The following ARHGAP22 variants were observed in gnomAD, a reference collection of about 807,000 sequenced individuals.
ARHGAP22 encodes the protein Rho GTPase activating protein 22, also known as rho GTPase-activating protein 22.
A neutral mutation model predicts 59.1 loss-of-function variants in ARHGAP22; 48 were observed. The observed-to-expected ratio is 0.81, with a 90% CI of 0.64 to 1.03. The LOEUF (loss-of-function observed/expected upper bound fraction) is 1.03, where lower values mean the gene tolerates loss of function less well. Ranked by LOEUF, ARHGAP22 falls within the 50% of genes least tolerant of loss-of-function variation. The probability of loss-of-function intolerance (pLI) is 0.00; values close to 1 mark genes in which losing one functional copy is unlikely to be tolerated. For missense variants in ARHGAP22, 1,015 were observed against 958.7 expected, an observed-to-expected ratio of 1.06 and a Z score of -0.78; for synonymous variants, 445 against 416.4, an observed-to-expected ratio of 1.07 and a Z score of -0.84.
chr10:48,557,985 C>T (rs182627631), intron 2 of ARHGAP22, among the ~76,000 whole-genome samples: 2 of 152,304 alleles, frequency 1.3e-5, no homozygotes, highest in Admixed American at 1.3e-4. Context: ...TTGAACGTGC[C>T]TTGGAGTCAC....
chr10:48,526,889 T>C (rs1278374721), intron 3 of ARHGAP22, among the ~76,000 whole-genome samples: 1 of 152,264 alleles, frequency 6.6e-6, no homozygotes, highest in Non-Finnish European at 1.5e-5. Context: ...AGGGGCTTCT[T>C]GTTTTATTGC....
chr10:48,519,177 C>G (rs11819511), intron 3 of ARHGAP22, among the ~76,000 whole-genome samples: 50,846 of 152,114 alleles, frequency 0.33, 10,123 homozygotes, highest in Middle Eastern at 0.54. Flanking sequence ...TGCAGCAGAA[C>G]AGCAGAACCG....
At chr10:48,486,086 GCTTA>G (rs2049832118) in intron 3 of ARHGAP22, among the ~76,000 whole-genome samples, 1 of 151,584 alleles carries the variant, frequency 6.6e-6, no homozygotes, top group African/African-American at 2.4e-5. Flanking sequence ...TGCTTTGTTG[GCTTA>G]TTAGTAAAAA....
At chr10:48,612,201 A>T (rs2060922724) in intron 1 of ARHGAP22, among the ~76,000 whole-genome samples, 1 of 151,866 alleles carries the variant, frequency 6.6e-6, no homozygotes, top group Non-Finnish European at 1.5e-5. Context: ...TTCCAAGTTG[A>T]CAAACTCCCT....
the ARHGAP22 span, chr10:48,438,697 TATAA>T: frequency 1.3e-5 from 2 of 152,344 alleles, no homozygotes; most frequent in East Asian, 3.9e-4. Context: ...CTGAGTGAAT[TATAA>T]ATGTGTGTTA....
chr10:48,607,496 G>C (rs2060720952), upstream of ARHGAP22, among the ~76,000 whole-genome samples: 1 of 152,218 alleles, frequency 6.6e-6, no homozygotes, highest in Non-Finnish European at 1.5e-5. Context: ...CCTTCATCCT[G>C]AAGTTTACCA....
intron 6 of ARHGAP22, 68 bp downstream of exon 6, chr10:48,454,934 T>C: frequency 6.8e-7 from 1 of 1,479,756 alleles, no homozygotes; most frequent in Non-Finnish European, 9.0e-7. Flanking sequence ...TCAGAGTCTG[T>C]GTCCTGAGTC....
upstream of ARHGAP22, chr10:48,605,155 G>A (rs1459382215): frequency 1.2e-5 from 14 of 1,159,252 alleles, no homozygotes; most frequent in African/African-American, 6.5e-5. Context: ...GGGCGGGGCC[G>A]AGAGGGGCGG....
intron 3 of ARHGAP22, among the ~76,000 whole-genome samples, chr10:48,534,574 G>A (rs571667621): frequency 1.3e-5 from 2 of 152,330 alleles, no homozygotes; most frequent in South Asian, 2.1e-4. Flanking sequence ...TCGGTTACCT[G>A]AGCAGGAATC....
In ARHGAP22 at chr10:48,448,803, C is replaced by T. The variant is rs147494738; in HGVS notation, c.1868+1458G>A. Among the ~76,000 whole-genome samples, 441 of 152,338 alleles carry T rather than the reference C, an allele frequency of 2.9e-3. 3 individuals carry two copies. The highest frequency in any genetic ancestry group is 0.01 in the African/African-American group (429 of 41,590). ...CTCCACAAGGGCTACCACTGCTATC[C>T]CTTTTCCTCTGGGAACCTCATCTTA... On this transcript the variant is annotated intron_variant, in intron 9 of 9. Transcript: ENST00000249601.
At chr10:48,491,062 C>A (rs1258050199) in intron 3 of ARHGAP22, among the ~76,000 whole-genome samples, 1 of 152,172 alleles carries the variant, frequency 6.6e-6, no homozygotes, top group Non-Finnish European at 1.5e-5. Context: ...TTCCTTTATC[C>A]CGACAATCTA....
intron 1 of ARHGAP22, among the ~76,000 whole-genome samples, chr10:48,585,387 T>A (rs1314972371): frequency 6.6e-6 from 1 of 152,152 alleles, no homozygotes; most frequent in African/African-American, 2.4e-5. Flanking sequence ...CTGATCCCAC[T>A]TTCTCTCTTA....
chr10:48,450,583 A>G lies in ARHGAP22; in HGVS notation c.1546T>C (p.Ser516Pro). The change falls in exon 9 of 10, where the codon TCG (serine) becomes CCG (proline). Residue 516 changes from serine (S) to proline (P), a missense_variant. Ser to Pro is a moderately conservative substitution (Grantham distance 74). Coordinates refer to ENST00000249601, the MANE Select transcript of ARHGAP22 (RefSeq NM_021226.4). Reference protein sequence around the residue: ...SVASMAWSGASSSESSVGGSL... With the variant: ...SVASMAWSGAPSSESSVGGSL... ...CCCCCCACCGACGACTCGCTGGACG[A>G]GGCCCCGGACCACGCCATACTGGCC... is the stretch of plus-strand genomic sequence containing the variant. 6.5e-7 allele frequency: 1 copy of G among 1,540,248 alleles called. No individual in the cohort carries two copies.
At chr10:48,521,063 G>A (rs969193922) in intron 3 of ARHGAP22, among the ~76,000 whole-genome samples, 1 of 152,150 alleles carries the variant, frequency 6.6e-6, no homozygotes, top group African/African-American at 2.4e-5. Flanking sequence ...AATACCCTCG[G>A]AGTTCAGACA....
intron 3 of ARHGAP22, among the ~76,000 whole-genome samples, chr10:48,508,431 C>T (rs1337433436): frequency 1.3e-5 from 2 of 152,242 alleles, no homozygotes; most frequent in Admixed American, 6.5e-5. Context: ...TCCTGGCTGC[C>T]TAAGCCTTTC....
At chr10:48,540,797 C>T (rs2055859964) in intron 3 of ARHGAP22, among the ~76,000 whole-genome samples, 1 of 152,002 alleles carries the variant, frequency 6.6e-6, no homozygotes, top group Non-Finnish European at 1.5e-5. Flanking sequence ...ATTGCTCCTT[C>T]ATTGGTTTAA....
At chr10:48,647,257 G>C (rs181564618) in intron 1 of ARHGAP22, among the ~76,000 whole-genome samples, 2 of 152,234 alleles carry the variant, frequency 1.3e-5, no homozygotes, top group East Asian at 3.9e-4. Context: ...AGCTGTGCGT[G>C]GTGGTGGGTG....
At chr10:48,494,466 C>T (rs1256943761) in intron 3 of ARHGAP22, among the ~76,000 whole-genome samples, 1 of 152,214 alleles carries the variant, frequency 6.6e-6, no homozygotes, top group Non-Finnish European at 1.5e-5. Flanking sequence ...CCAAACTTTG[C>T]TCAGTAAGTA....
At chr10:48,565,525 G>A (rs2057995626) in intron 2 of ARHGAP22, among the ~76,000 whole-genome samples, 1 of 152,142 alleles carries the variant, frequency 6.6e-6, no homozygotes, top group African/African-American at 2.4e-5. Flanking sequence ...CATTATTATA[G>A]GGCCAAGGAG....
Sources: gnomAD v4.1 joint callset for allele counts (sites outside exome capture counted in the v4.1 genomes callset) on GRCh38, gnomAD v4.1.1 for gene constraint, MANE v1.5 for transcripts, NCBI Gene and HGNC (gene_info 2026-07-23, HGNC 2026-07-21) for gene names.